The following CPD variants were observed in gnomAD, a reference collection of about 807,000 sequenced individuals.
CPD encodes the protein carboxypeptidase D.
CPD carries 69 observed loss-of-function variants against 138.3 expected under a neutral mutation model. The ratio of observed to expected loss-of-function variants is 0.50; its 90% CI spans 0.41 to 0.61. The LOEUF (loss-of-function observed/expected upper bound fraction) is 0.61. Ranked by LOEUF, CPD falls within the 20% of genes least tolerant of loss-of-function variation. CPD has a pLI of 0.00. For synonymous variants in CPD, 651 were observed against 642.1 expected (o/e 1.01, Z -0.21); for missense variants, 1,432 against 1,733.3 (o/e 0.83, Z 3.09).
Position 30,423,022 on chromosome 17 carries a change from A to G in CPD, c.1656A>G (p.Pro552=). The change falls in exon 5 of 21, where the codon CCA becomes CCG. Residue 552 remains proline (P), a splice_region_variant and synonymous_variant. Transcript: ENST00000225719. ...CTGATAATCCGGGTGTCCATGAACC[A>G]GGTAATTGGTATGGTCTTACACATA... The part of the protein sequence containing the change: ...EISDNPGVHE[P]GEPEFKYIGN... The G allele has an allele frequency of 6.2e-7, 1 of 1,602,026 alleles. No homozygotes were observed. The highest frequency in any genetic ancestry group is 2.2e-5 in the East Asian group (1 of 44,814).
intron 1 of CPD, among the ~76,000 whole-genome samples, chr17:30,383,075 A>G (rs1341101519): frequency 6.6e-6 from 1 of 152,180 alleles, no homozygotes; most frequent in Non-Finnish European, 1.5e-5. Flanking sequence ...TACCTTAGCT[A>G]TAGGGGAGAG....
rs1371739919 is a variant in CPD, at chr17:30,379,499, C to T, written c.519C>T (p.Thr173=). The T allele has an allele frequency of 6.4e-7, 1 of 1,573,508 alleles. No individual in the cohort carries two copies. Among genetic ancestry groups the T allele is most frequent in the South Asian group, 1.1e-5 (1 of 87,852 alleles). The change falls in exon 1 of 21, where the codon ACC becomes ACT. Residue 173 remains threonine (T), a synonymous_variant. Transcript: ENST00000225719. This position sits in a 1 kb window ranked among gnomAD's most constrained non-coding sequence, Gnocchi z 7.0. ...CGCGCCTGGTCCGCCTGCTCAACAC[C>T]ACCGACGTGTACCTGCTGCCCAGCC... ...GDPRLVRLLN[T]TDVYLLPSLN...
At position 30,379,094 on chromosome 17, in the gene CPD, G is replaced by T; in HGVS notation, c.114G>T (p.Glu38Asp). 6.4e-7 allele frequency: 1 copy of T among 1,556,862 alleles called. No individual in the cohort carries two copies. The highest frequency in any genetic ancestry group is 2.5e-5 in the East Asian group (1 of 40,358). Residue 38 changes from glutamate (E) to aspartate (D), a missense_variant, in exon 1 of 21, where the codon GAG becomes GAT. This residue lies in a region of CPD where 484 missense variants were observed against 477.2 expected (regional missense o/e 1.01). Coordinates refer to ENST00000225719, the MANE Select transcript of CPD (RefSeq NM_001304.5). The surrounding 1 kb of genome is among the most constrained non-coding windows in gnomAD (Gnocchi z 7.0). ...SARAAHIKKA[E>D]ATTTTTSAGA... ...GGGCGGCTCACATCAAGAAGGCGGA[G>T]GCGACTACCACAACTACGAGCGCGG... is the stretch of plus-strand genomic sequence containing the variant.
chr17:30,415,787 A>C (rs1200398226), intron 2 of CPD, among the ~76,000 whole-genome samples: 3 of 152,228 alleles, frequency 2.0e-5, no homozygotes, highest in African/African-American at 7.2e-5. Flanking sequence ...ATATACAAAA[A>C]ATGGAATCTT....
chr17:30,410,623 G>C (rs1911937896), intron 2 of CPD, among the ~76,000 whole-genome samples: 1 of 152,074 alleles, frequency 6.6e-6, no homozygotes, highest in Non-Finnish European at 1.5e-5. Context: ...GGCCTTCTTT[G>C]TCTCTTTTGA....
Position 30,461,911 on chromosome 17 carries a change from A to T in CPD, c.3665A>T (p.Lys1222Met), listed in dbSNP as rs891459274. Residue 1222 changes from lysine to methionine, a missense_variant, in exon 19 of 21, where the codon AAG becomes ATG. Physicochemically the swap from Lys to Met is moderately conservative, Grantham distance 95. Coordinates refer to ENST00000225719, the MANE Select transcript of CPD (RefSeq NM_001304.5). ...GGAGTTCATGGATTTGTTAAAGATAAGACTGGAAAGCCAATCTCTAAAGCA... is the reference window on the plus strand; with the variant it reads ...GGAGTTCATGGATTTGTTAAAGATATGACTGGAAAGCCAATCTCTAAAGCA... ...HKGVHGFVKDKTGKPISKAVI... is the reference protein window; with the variant it reads ...HKGVHGFVKDMTGKPISKAVI... The T allele has an allele frequency of 1.2e-6, 2 of 1,605,772 alleles. No individual in the cohort carries two copies. Among genetic ancestry groups the T allele is most frequent in the East Asian group, 2.2e-5 (1 of 44,828 alleles).
Position 30,379,167 on chromosome 17 carries a change from G to A in CPD, c.187G>A (p.Glu63Lys), listed in dbSNP as rs757351817. 5.2e-6 allele frequency: 8 copies of A among 1,535,348 alleles called. No individual in the cohort carries two copies. In the East Asian group the frequency reaches 2.0e-4, roughly 39 times the overall value. ...GQFDRYYHEEELESALREAAA... is the reference protein window; with the variant it reads ...GQFDRYYHEEKLESALREAAA... ...GTTCGACCGCTACTACCACGAAGAG[G>A]AGTTGGAGTCGGCGCTGAGGGAGGC... is the stretch of plus-strand genomic sequence containing the variant. Residue 63 changes from glutamate to lysine, a missense_variant, in exon 1 of 21, where the codon GAG (glutamate) becomes AAG (lysine). By Grantham distance (56) the Glu-to-Lys change is moderately conservative. Transcript: ENST00000225719. The surrounding 1 kb of genome is among the most constrained non-coding windows in gnomAD (Gnocchi z 7.0).
chr17:30,432,346 A>G (rs182122220), intron 8 of CPD, among the ~76,000 whole-genome samples: 1 of 152,344 alleles, frequency 6.6e-6, no homozygotes, highest in Non-Finnish European at 1.5e-5. Context: ...AACAAACTAA[A>G]GAAGGAAAAT....
chr17:30,466,938 T>A lies in CPD; in HGVS notation c.*2124T>A, dbSNP rs1597741884. ...AAGAAAAACCAAATTCTGCTATAAG[T>A]CTTGATCTTCAATGAACTTTTAAAT... is the stretch of plus-strand genomic sequence containing the variant. On this transcript the variant is annotated 3_prime_UTR_variant, in exon 21 of 21. Transcript: ENST00000225719. 6.6e-6 allele frequency: 1 copy of A among 152,560 alleles called. No individual in the cohort carries two copies. Among genetic ancestry groups the A allele is most frequent in the African/African-American group, 2.4e-5 (1 of 41,454 alleles). The allele number at this position is 152,560 out of a possible 1,614,324, so 9.5% of individuals were successfully genotyped here. A position where few individuals can be genotyped will look rare whatever the true frequency, so the allele number is the denominator to read the frequency against.
intron 2 of CPD, among the ~76,000 whole-genome samples, chr17:30,409,970 T>C (rs980911899): frequency 2.0e-5 from 3 of 152,246 alleles, no homozygotes; most frequent in Non-Finnish European, 4.4e-5. Flanking sequence ...TTTAGCTCTT[T>C]CCTGCTTTCT....
intron 10 of CPD, among the ~76,000 whole-genome samples, 163 bp from the exon 11 acceptor site, chr17:30,443,639 A>G (rs1912938995): frequency 6.6e-6 from 1 of 152,206 alleles, no homozygotes. Flanking sequence ...TAGCCTTCAG[A>G]AATATTTTAA....
At chr17:30,410,955 A>ATGAG (rs906593966) in intron 2 of CPD, among the ~76,000 whole-genome samples, 15 of 151,514 alleles carry the variant, frequency 9.9e-5, no homozygotes, top group Non-Finnish European at 1.6e-4. Flanking sequence ...CACAGCATGA[A>ATGAG]TGGTCTTTGC....
chr17:30,461,063 C>G, intron 17 of CPD, 117 bp from the exon 18 acceptor site: 1 of 709,344 alleles, frequency 1.4e-6, no homozygotes, highest in Non-Finnish European at 2.1e-6. Context: ...TTTACAGCTT[C>G]TTTGTTTACG....
At chr17:30,445,189 G>C (rs1275315397) in intron 11 of CPD, among the ~76,000 whole-genome samples, 2 of 152,106 alleles carry the variant, frequency 1.3e-5, no homozygotes, top group Non-Finnish European at 1.5e-5. Context: ...CCTAGGCCAG[G>C]TGCGGTGGCT....
At position 30,468,204 on chromosome 17, in the gene CPD, A is replaced by G. The variant is rs1913694914; in HGVS notation, c.*3390A>G. 1 of 152,594 alleles carries G rather than the reference A, an allele frequency of 6.6e-6. No homozygotes were observed. Among genetic ancestry groups the G allele is most frequent in the African/African-American group, 2.4e-5 (1 of 41,442 alleles). The allele number at this position is 152,594 out of a possible 1,614,324, so 9.5% of individuals were successfully genotyped here. A position where few individuals can be genotyped will look rare whatever the true frequency, so the allele number is the denominator to read the frequency against. Reference sequence around the variant, plus strand: ...TTGTCCTGGTTGATTTTGATTTGACAGCATACATTATGAAATTTGAAAGTA... The same window carrying G: ...TTGTCCTGGTTGATTTTGATTTGACGGCATACATTATGAAATTTGAAAGTA... On this transcript the variant is annotated 3_prime_UTR_variant, in exon 21 of 21. Transcript: ENST00000225719.
intron 8 of CPD, among the ~76,000 whole-genome samples, chr17:30,435,637 G>A (rs996739362): frequency 2.6e-5 from 4 of 152,086 alleles, no homozygotes; most frequent in African/African-American, 7.2e-5. Context: ...AAAAAAGATT[G>A]ATACATTGGA....
At position 30,379,385 on chromosome 17, in the gene CPD, G is replaced by A. The variant is rs2143287656; in HGVS notation, c.405G>A (p.Val135=). The change falls in exon 1 of 21, where the codon GTG becomes GTA. Residue 135 remains valine, a synonymous_variant. Transcript: ENST00000225719. This position sits in a 1 kb window ranked among gnomAD's most constrained non-coding sequence, Gnocchi z 7.0. ...CCGGCCGGCCCCAGGTGAAGCTGGT[G>A]GGCAACATGCATGGCGACGAGACCG... ...LLPGRPQVKL[V]GNMHGDETVS... 2 of 1,530,004 alleles carry A rather than the reference G, an allele frequency of 1.3e-6. No homozygotes were observed. Among genetic ancestry groups the A allele is most frequent in the African/African-American group, 1.4e-5 (1 of 69,878 alleles). 94.8% of individuals were successfully genotyped at this position (1,530,004 alleles called of 1,614,324 possible).
intron 1 of CPD, among the ~76,000 whole-genome samples, chr17:30,384,432 T>C (rs1911128252): frequency 6.6e-6 from 1 of 152,208 alleles, no homozygotes; most frequent in African/African-American, 2.4e-5. Flanking sequence ...CAGCCATATT[T>C]TCTGTGGAAT....
intron 2 of CPD, among the ~76,000 whole-genome samples, chr17:30,390,700 T>C (rs4055617): frequency 0.52 from 78,886 of 151,988 alleles, 21,167 homozygotes; most frequent in East Asian, 0.83. Flanking sequence ...CCTTGCTTCA[T>C]TCAACATGTC....
Sources: gnomAD v4.1 joint callset for allele counts (sites outside exome capture counted in the v4.1 genomes callset) on GRCh38, gnomAD v4.1.1 for gene constraint, gnomAD v4.1.1 regional missense constraint, Gnocchi (gnomAD v3.1) non-coding constraint, MANE v1.5 for transcripts, NCBI Gene and HGNC (gene_info 2026-07-23, HGNC 2026-07-21) for gene names.